CHRM3: variants seen among roughly 807,000 people sequenced by gnomAD.
CHRM3 encodes the protein muscarinic acetylcholine receptor M3.
In CHRM3, 11 loss-of-function variants were observed where a neutral mutation model predicts 41.8. The ratio of observed to expected loss-of-function variants is 0.26; its 90% CI spans 0.17 to 0.44. CHRM3 has a LOEUF of 0.44. CHRM3 is among the 20% of genes least tolerant of loss of function. The probability of loss-of-function intolerance (pLI) is 1.00; values close to 1 mark genes in which losing one functional copy is unlikely to be tolerated. For missense variants in CHRM3, 571 were observed against 745.4 expected (o/e 0.77, Z 2.72); for synonymous variants, 297 against 301.4 (o/e 0.99, Z 0.15).
chr1:239,892,766 TG>T (rs1192975523), intron 6 of CHRM3, among the ~76,000 whole-genome samples: 2 of 152,198 alleles, frequency 1.3e-5, no homozygotes, highest in Non-Finnish European at 2.9e-5. Flanking sequence ...GCAAACACAG[TG>T]TCTCATGCAC....
chr1:239,783,353 G>A (rs1668647077), intron 5 of CHRM3, among the ~76,000 whole-genome samples: 1 of 151,948 alleles, frequency 6.6e-6, no homozygotes, highest in Non-Finnish European at 1.5e-5. Flanking sequence ...TAATATATGG[G>A]AAAATACATA....
At chr1:239,423,105 TGAACTACAGCATGTCA>T (rs1453600482) in intron 1 of CHRM3, among the ~76,000 whole-genome samples, 1 of 152,168 alleles carries the variant, frequency 6.6e-6, no homozygotes, top group Non-Finnish European at 1.5e-5. Context: ...CAGGACTCAA[TGAACTACAGCATGTCA>T]GAAGCATGTG....
intron 2 of CHRM3, among the ~76,000 whole-genome samples, chr1:239,513,936 G>GGAA (rs1669090812): frequency 2.0e-5 from 3 of 151,988 alleles, no homozygotes; most frequent in Non-Finnish European, 4.4e-5. Context: ...AAGATCAGTT[G>GGAA]CTATACTTAG....
In CHRM3 at chr1:239,444,966, G is replaced by A. The variant is rs77011042; in HGVS notation, c.-520-47743G>A. 2.2e-3 allele frequency among the ~76,000 whole-genome samples: 333 copies of A among 152,290 alleles called. 1 individual carries two copies. The highest frequency in any genetic ancestry group is 7.7e-3 in the African/African-American group (318 of 41,554). On this transcript the variant is annotated intron_variant, in intron 1 of 6. Coordinates refer to ENST00000676153, the MANE Select transcript of CHRM3 (RefSeq NM_001375978.1). ...TGGCAGTAAAGACAAGAAGAGAGGA[G>A]GATCAGCAGATCAACAGGTGGTAGA...
chr1:239,772,298 G>C (rs1055107624), intron 5 of CHRM3, among the ~76,000 whole-genome samples: 2 of 152,002 alleles, frequency 1.3e-5, no homozygotes, highest in South Asian at 2.1e-4. Flanking sequence ...TCACAGGCAT[G>C]CACCGCCACA....
intron 5 of CHRM3, chr1:239,707,510 A>C (rs1274698673): frequency 1.3e-5 from 2 of 152,216 alleles, no homozygotes; most frequent in African/African-American, 4.8e-5. Flanking sequence ...AGTGAATAAA[A>C]TATACACTTT....
intron 5 of CHRM3, among the ~76,000 whole-genome samples, chr1:239,756,994 A>G (rs1055818664): frequency 4.6e-5 from 7 of 152,172 alleles, no homozygotes; most frequent in Non-Finnish European, 5.9e-5. Flanking sequence ...AGTTTTATCC[A>G]TACTCTATTT....
At chr1:239,706,693 C>A (rs1408286763) in intron 5 of CHRM3, among the ~76,000 whole-genome samples, 1 of 151,642 alleles carries the variant, frequency 6.6e-6, no homozygotes, top group Non-Finnish European at 1.5e-5. Flanking sequence ...GAGGCATGCA[C>A]CCACACACAC....
At chr1:239,869,857 G>C (rs1003455920) in intron 6 of CHRM3, among the ~76,000 whole-genome samples, 1 of 152,128 alleles carries the variant, frequency 6.6e-6, no homozygotes, top group Non-Finnish European at 1.5e-5. Flanking sequence ...TTGACTGATA[G>C]AGTGGCATAG....
At chr1:239,391,817 G>A (rs1659059319) in intron 1 of CHRM3, among the ~76,000 whole-genome samples, 1 of 152,176 alleles carries the variant, frequency 6.6e-6, no homozygotes, top group Non-Finnish European at 1.5e-5. Context: ...AAACCAATTT[G>A]ATAAACAGTA....
At chr1:239,721,876 G>A (rs985569610) in intron 5 of CHRM3, among the ~76,000 whole-genome samples, 2 of 151,842 alleles carry the variant, frequency 1.3e-5, no homozygotes, top group African/African-American at 4.8e-5. Context: ...AATAAATATT[G>A]CAGCAGGTGA....
intron 3 of CHRM3, among the ~76,000 whole-genome samples, chr1:239,553,708 T>C (rs1476862476): frequency 6.6e-6 from 1 of 152,236 alleles, no homozygotes; most frequent in East Asian, 1.9e-4. Flanking sequence ...CTTTTCAGTT[T>C]AATTAGTTGA....
chr1:239,726,896 T>G (rs180806149), intron 5 of CHRM3, among the ~76,000 whole-genome samples: 4 of 152,076 alleles, frequency 2.6e-5, no homozygotes, highest in Admixed American at 2.6e-4. Flanking sequence ...CCTAAATTAA[T>G]AATTATACAA....
chr1:239,695,575 G>A (rs1413859964), intron 5 of CHRM3, among the ~76,000 whole-genome samples: 1 of 151,698 alleles, frequency 6.6e-6, no homozygotes, highest in Non-Finnish European at 1.5e-5. Flanking sequence ...TCATTCCCTG[G>A]GAAACAATAA....
At chr1:239,640,678 A>T (rs1402199265) in intron 4 of CHRM3, among the ~76,000 whole-genome samples, 1 of 150,312 alleles carries the variant, frequency 6.7e-6, no homozygotes, top group East Asian at 2.0e-4. Flanking sequence ...TAGTCTTGCT[A>T]GCAGTCTATC....
intron 1 of CHRM3, among the ~76,000 whole-genome samples, chr1:239,492,093 CT>C (rs905873017): frequency 1.6e-4 from 25 of 152,296 alleles, no homozygotes; most frequent in African/African-American, 6.0e-4. Flanking sequence ...TGTCAAATAA[CT>C]TGTGGAAGCA....
chr1:239,772,168 T>C (rs1278700548), intron 5 of CHRM3, among the ~76,000 whole-genome samples: 1 of 152,190 alleles, frequency 6.6e-6, no homozygotes, highest in East Asian at 1.9e-4. Flanking sequence ...TTTTTTTCTT[T>C]GAGACGGAGG....
chr1:239,649,516 C>T (rs1258783475), intron 4 of CHRM3, among the ~76,000 whole-genome samples: 1 of 152,142 alleles, frequency 6.6e-6, no homozygotes, highest in Non-Finnish European at 1.5e-5. Context: ...ATACAGATGA[C>T]CTCATAAGTA....
intron 5 of CHRM3, among the ~76,000 whole-genome samples, chr1:239,826,459 C>G (rs931099148): frequency 6.6e-6 from 1 of 152,174 alleles, no homozygotes; most frequent in African/African-American, 2.4e-5. Flanking sequence ...ATCAGTGCAT[C>G]TCTGGTTTCA....
Sources: gnomAD v4.1 joint callset for allele counts (sites outside exome capture counted in the v4.1 genomes callset) on GRCh38, gnomAD v4.1.1 for gene constraint, MANE v1.5 for transcripts, NCBI Gene and HGNC (gene_info 2026-07-23, HGNC 2026-07-21) for gene names.